ARHGAP24: variants seen among roughly 807,000 people sequenced by gnomAD.
The protein encoded by ARHGAP24 is Rho GTPase activating protein 24.
ARHGAP24 carries 50 observed loss-of-function variants against 76.4 expected under a neutral mutation model. The ratio of observed to expected loss-of-function variants is 0.65; its 90% CI spans 0.52 to 0.83. The LOEUF (loss-of-function observed/expected upper bound fraction) is 0.83, where lower values mean the gene tolerates loss of function less well. ARHGAP24 is among the 40% of genes least tolerant of loss of function. The pLI is 0.00. For missense variants in ARHGAP24, 930 were observed against 914.2 expected, an observed-to-expected ratio of 1.02 and a Z score of -0.22; for synonymous variants, 345 against 323.3, an observed-to-expected ratio of 1.07 and a Z score of -0.72.
intron 2 of ARHGAP24, among the ~76,000 whole-genome samples, chr4:85,632,314 A>T (rs561961707): frequency 2.0e-5 from 3 of 152,200 alleles, no homozygotes; most frequent in Admixed American, 2.0e-4. Context: ...TCTGCCACAC[A>T]TAAAGCCTGA....
At chr4:85,654,581 C>T (rs1269428406) in intron 2 of ARHGAP24, among the ~76,000 whole-genome samples, 1 of 152,092 alleles carries the variant, frequency 6.6e-6, no homozygotes, top group East Asian at 1.9e-4. Context: ...TGCTGCATAC[C>T]ATTACCTTTC....
intron 1 of ARHGAP24, among the ~76,000 whole-genome samples, chr4:85,498,822 T>A (rs1723683588): frequency 6.6e-6 from 1 of 152,254 alleles, no homozygotes; most frequent in Admixed American, 6.5e-5. Context: ...ATGTAGCTGT[T>A]AATAATCAGT....
intron 4 of ARHGAP24, chr4:85,930,250 T>A (rs1266843904): frequency 2.0e-6 from 2 of 985,256 alleles, no homozygotes; most frequent in East Asian, 2.3e-4. Context: ...GGCACTCGAC[T>A]GTTCTGACGT....
chr4:85,563,521 C>T (rs774099852), intron 1 of ARHGAP24, among the ~76,000 whole-genome samples: 2 of 152,208 alleles, frequency 1.3e-5, no homozygotes, highest in East Asian at 3.8e-4. Context: ...TGGATCAGCA[C>T]CCCATCCTCA....
chr4:85,638,597 T>C (rs1560564433), intron 2 of ARHGAP24, among the ~76,000 whole-genome samples: 1 of 152,120 alleles, frequency 6.6e-6, no homozygotes, highest in African/African-American at 2.4e-5. Flanking sequence ...AATAGTAACA[T>C]CAACTTTCCT....
chr4:85,953,826 A>T (rs895384376), intron 5 of ARHGAP24, among the ~76,000 whole-genome samples: 1 of 152,112 alleles, frequency 6.6e-6, no homozygotes, highest in African/African-American at 2.4e-5. Context: ...AGAGTGTCCA[A>T]TGTGGAGGGG....
At chr4:85,534,274 G>A (rs779027317) in intron 1 of ARHGAP24, among the ~76,000 whole-genome samples, 12 of 143,504 alleles carry the variant, frequency 8.4e-5, no homozygotes, top group Non-Finnish European at 1.9e-4. Flanking sequence ...GGATTATTGA[G>A]TGCCCTCTGT....
At chr4:85,854,065 G>T (rs531313369) in intron 3 of ARHGAP24, among the ~76,000 whole-genome samples, 16 of 150,500 alleles carry the variant, frequency 1.1e-4, no homozygotes, top group Non-Finnish European at 2.2e-4. Context: ...AATCTGGGAG[G>T]CTGAGGTGGA....
intron 3 of ARHGAP24, among the ~76,000 whole-genome samples, chr4:85,842,361 A>C (rs1730644616): frequency 6.6e-6 from 1 of 152,018 alleles, no homozygotes; most frequent in African/African-American, 2.4e-5. Flanking sequence ...GATGCTGGAC[A>C]AGTTACTTTA....
intron 3 of ARHGAP24, among the ~76,000 whole-genome samples, chr4:85,862,097 C>G (rs1010501950): frequency 1.3e-5 from 2 of 151,970 alleles, no homozygotes; most frequent in Non-Finnish European, 2.9e-5. Flanking sequence ...TTCTCTAATT[C>G]TCTAAGTCCT....
intron 2 of ARHGAP24, among the ~76,000 whole-genome samples, chr4:85,666,276 T>A (rs564523648): frequency 6.6e-6 from 1 of 152,206 alleles, no homozygotes; most frequent in African/African-American, 2.4e-5. Context: ...TCATCTTCCA[T>A]CACTGATACC....
chr4:85,856,905 A>T (rs541079248), intron 3 of ARHGAP24, among the ~76,000 whole-genome samples: 8 of 152,204 alleles, frequency 5.3e-5, no homozygotes, highest in Non-Finnish European at 1.2e-4. Context: ...TTCAACAAAA[A>T]TATGACCTTA....
intron 3 of ARHGAP24, among the ~76,000 whole-genome samples, chr4:85,876,547 C>A (rs139643532): frequency 0.016 from 2,439 of 152,314 alleles, 20 homozygotes; most frequent in African/African-American, 0.033. Flanking sequence ...TCAAGGGTCT[C>A]TGTCCTCAGT....
intron 3 of ARHGAP24, among the ~76,000 whole-genome samples, chr4:85,796,158 G>A (rs1463079169): frequency 3.3e-5 from 5 of 151,824 alleles, no homozygotes; most frequent in Non-Finnish European, 7.4e-5. Context: ...ATACATTCTT[G>A]TATCAGAGTT....
At chr4:85,579,643 A>C (rs1225608651) in intron 2 of ARHGAP24, among the ~76,000 whole-genome samples, 1 of 152,096 alleles carries the variant, frequency 6.6e-6, no homozygotes, top group Admixed American at 6.5e-5. Context: ...TGAAATTACA[A>C]TTTTAGAGTG....
At position 85,724,898 on chromosome 4, in the gene ARHGAP24, T is replaced by G. The variant is rs144854880; in HGVS notation, c.268+2926T>G. Among the ~76,000 whole-genome samples, 3 of 152,302 alleles carry G rather than the reference T, an allele frequency of 2.0e-5. No individual in the cohort carries two copies. In the East Asian group the frequency reaches 5.8e-4, roughly 29 times the overall value. Reference sequence around the variant, plus strand: ...ATTGGCAAATTTGAAGTCTTCTCTTTCAGACATGCCAAATTTTAGACTGAA... The same window carrying G: ...ATTGGCAAATTTGAAGTCTTCTCTTGCAGACATGCCAAATTTTAGACTGAA... On this transcript the variant is annotated intron_variant, in intron 3 of 9. Coordinates refer to ENST00000395184, the MANE Select transcript of ARHGAP24 (RefSeq NM_001025616.3).
intron 3 of ARHGAP24, among the ~76,000 whole-genome samples, chr4:85,782,073 A>C (rs1013039008): frequency 6.8e-6 from 1 of 146,558 alleles, no homozygotes; most frequent in Non-Finnish European, 1.5e-5. Context: ...GAAAAAAAAA[A>C]CAATTGTCTA....
In ARHGAP24 at chr4:85,995,414, A is replaced by G. The variant is rs138513531; in HGVS notation, c.1760A>G (p.Asn587Ser). ...CCAGAGCAAGACTTTTTTGGGGGGA[A>G]CTTTGAGGACCCTGTTTTGGATGGG... ...TCPEQDFFGG[N>S]FEDPVLDGPP... The change falls in exon 9 of 10, where the codon AAC (asparagine) becomes AGC (serine). Residue 587 changes from asparagine (N) to serine (S), a missense_variant. By Grantham distance (46) the Asn-to-Ser change is conservative. Transcript: ENST00000395184. 4.3e-6 allele frequency: 7 copies of G among 1,612,344 alleles called. No individual in the cohort carries two copies. The highest frequency in any genetic ancestry group is 2.2e-5 in the South Asian group (2 of 91,058).
In ARHGAP24 at chr4:85,823,442, T is replaced by C. The variant is rs11941354; in HGVS notation, c.269-100206T>C. ...TAAGAACTAGGGGCATTGACACTAA[T>C]GCTTTTGAAGGCTTTTCCCTCAAGG... is the stretch of plus-strand genomic sequence containing the variant. On this transcript the variant is annotated intron_variant, in intron 3 of 9. Coordinates refer to ENST00000395184, the MANE Select transcript of ARHGAP24 (RefSeq NM_001025616.3). 9.5e-3 allele frequency among the ~76,000 whole-genome samples: 1,447 copies of C among 152,322 alleles called. 27 individuals are homozygous for C. The highest frequency in any genetic ancestry group is 0.033 in the African/African-American group (1,354 of 41,584).
Sources: allele counts gnomAD v4.1 joint callset (sites outside exome capture counted in the v4.1 genomes callset), GRCh38; gene constraint gnomAD v4.1.1; transcripts MANE v1.5; gene names NCBI Gene and HGNC (gene_info 2026-07-23, HGNC 2026-07-21).